Variants in PAQR5 observed in about 807,000 individuals in gnomAD.
PAQR5 encodes the protein progestin and adipoQ receptor family member 5.
Under a neutral mutation model 34.5 loss-of-function variants are expected in PAQR5, and 20 were observed. The ratio of observed to expected loss-of-function variants is 0.58; its 90% CI spans 0.41 to 0.84. The LOEUF is 0.84. Ranked by LOEUF, PAQR5 falls within the 40% of genes least tolerant of loss-of-function variation. PAQR5 has a pLI of 0.00. For missense variants in PAQR5, 378 were observed against 412.7 expected (o/e 0.92, Z 0.73); for synonymous variants, 131 against 155.6 (o/e 0.84, Z 1.18).
chr15:69,364,156 G>A (rs2055320108), intron 3 of PAQR5, among the ~76,000 whole-genome samples: 3 of 152,122 alleles, frequency 2.0e-5, no homozygotes, highest in Admixed American at 1.3e-4. Context: ...ATGAATGAAG[G>A]AAGCACAGCC....
chr15:69,329,309 A>G (rs1005476302), intron 1 of PAQR5, among the ~76,000 whole-genome samples: 1 of 151,874 alleles, frequency 6.6e-6, no homozygotes, highest in African/African-American at 2.4e-5. Context: ...AAAAACCCCC[A>G]TCCTTGAATA....
At chr15:69,334,113 C>T (rs960488364) in intron 1 of PAQR5, among the ~76,000 whole-genome samples, 2 of 152,130 alleles carry the variant, frequency 1.3e-5, no homozygotes, top group African/African-American at 2.4e-5. Context: ...CTGCAACCTC[C>T]ACCTCCCGGG....
chr15:69,326,665 G>A (rs1293242326), intron 1 of PAQR5, among the ~76,000 whole-genome samples: 2 of 152,194 alleles, frequency 1.3e-5, no homozygotes, highest in African/African-American at 2.4e-5. Flanking sequence ...TCAAACTCCT[G>A]ACCTCAGGTG....
chr15:69,313,521 CAAAT>C (rs963617204), intron 1 of PAQR5, among the ~76,000 whole-genome samples: 2 of 151,772 alleles, frequency 1.3e-5, no homozygotes, highest in Non-Finnish European at 2.9e-5. Flanking sequence ...CAACAACAAC[CAAAT>C]AAATAAATAA....
chr15:69,347,070 C>T (rs1239357346), intron 2 of PAQR5, among the ~76,000 whole-genome samples: 1 of 152,162 alleles, frequency 6.6e-6, no homozygotes, highest in African/African-American at 2.4e-5. Context: ...GACCCACCTG[C>T]CTCGGCCTCC....
intron 1 of PAQR5, among the ~76,000 whole-genome samples, chr15:69,305,534 G>A (rs925895055): frequency 6.6e-6 from 1 of 152,116 alleles, no homozygotes; most frequent in Admixed American, 6.5e-5. Flanking sequence ...TCGGAGTGAG[G>A]GGGAGAGAGG....
At chr15:69,322,811 G>GGAAGAA (rs1360531654) in intron 1 of PAQR5, among the ~76,000 whole-genome samples, 1,032 of 25,378 alleles carry the variant, frequency 0.041, 371 homozygotes, top group African/African-American at 0.091. Flanking sequence ...AAGAGGAAGA[G>GGAAGAA]GAAGAAGAAG....
chr15:69,348,865 G>A (rs776625664), intron 2 of PAQR5, among the ~76,000 whole-genome samples: 55 of 152,206 alleles, frequency 3.6e-4, no homozygotes, highest in Non-Finnish European at 7.1e-4. Flanking sequence ...GCCCGATGGA[G>A]TGGGATGGTG....
intron 8 of PAQR5, among the ~76,000 whole-genome samples, chr15:69,401,819 T>C (rs1448114227): frequency 2.0e-5 from 3 of 152,176 alleles, no homozygotes; most frequent in South Asian, 2.1e-4. Flanking sequence ...TGCTCAATAG[T>C]AGAGGTGGCC....
At chr15:69,350,039 T>C (rs950429624) in intron 2 of PAQR5, among the ~76,000 whole-genome samples, 1 of 152,190 alleles carries the variant, frequency 6.6e-6, no homozygotes, top group African/African-American at 2.4e-5. Context: ...CCTAAAGAGC[T>C]CTGATTGCTC....
At chr15:69,322,763 A>C (rs58485265) in intron 1 of PAQR5, among the ~76,000 whole-genome samples, 573 of 39,468 alleles carry the variant, frequency 0.015, 131 homozygotes, top group East Asian at 0.077. Context: ...AAGAAGAAGA[A>C]GAAGAAGAGG....
chr15:69,389,817 AG>A (rs1180345203), intron 6 of PAQR5, 37 bp downstream of exon 6: 1 of 1,572,358 alleles, frequency 6.4e-7, no homozygotes, highest in East Asian at 2.3e-5. Flanking sequence ...GAGGGGAGGG[AG>A]GGTCTTGCAT....
At chr15:69,315,874 T>C (rs1461196852) in intron 1 of PAQR5, among the ~76,000 whole-genome samples, 1 of 151,998 alleles carries the variant, frequency 6.6e-6, no homozygotes, top group East Asian at 1.9e-4. Flanking sequence ...GTCATGCACT[T>C]GCCAGTCTCA....
chr15:69,382,653 A>T (rs1371353904), intron 4 of PAQR5, among the ~76,000 whole-genome samples: 1 of 105,502 alleles, frequency 9.5e-6, no homozygotes, highest in Non-Finnish European at 1.9e-5. Context: ...CAAAAAAAAA[A>T]AAAAGCATAT....
intron 4 of PAQR5, among the ~76,000 whole-genome samples, chr15:69,381,596 G>C (rs879672522): frequency 2.0e-5 from 3 of 152,106 alleles, no homozygotes; most frequent in Admixed American, 2.0e-4. Context: ...TGGGTGAGCC[G>C]CACCCCCATC....
At chr15:69,300,600 T>C (rs528211377) in intron 1 of PAQR5, among the ~76,000 whole-genome samples, 1 of 35,550 alleles carries the variant, frequency 2.8e-5, no homozygotes, top group East Asian at 6.1e-4. Flanking sequence ...CTTCTTTCTT[T>C]CTTTCTTTCT....
Position 69,344,390 on chromosome 15 carries a change from A to G in PAQR5, c.-116+6889A>G, listed in dbSNP as rs567758203. ...TAATTCCACTCATTTCTCCAAAGAA[A>G]CAGCATTCACTCTGCTAATTAGCAA... On this transcript the variant is annotated intron_variant, in intron 2 of 8. Transcript: ENST00000395407. 7.4e-4 allele frequency among the ~76,000 whole-genome samples: 112 copies of G among 152,332 alleles called. No homozygotes were observed. In the Middle Eastern group the frequency reaches 0.014, roughly 19 times the overall value.
chr15:69,388,101 C>T (rs1015652349), intron 5 of PAQR5, among the ~76,000 whole-genome samples: 27 of 152,300 alleles, frequency 1.8e-4, no homozygotes, highest in African/African-American at 6.5e-4. Flanking sequence ...TTGATTCCAT[C>T]TGGGACTCCC....
At chr15:69,390,360 A>ATTTTTTTTTTTT (rs543005498) in intron 6 of PAQR5, among the ~76,000 whole-genome samples, 17 of 135,888 alleles carry the variant, frequency 1.3e-4, no homozygotes, top group Admixed American at 3.0e-4. Context: ...TTATTTATTT[A>ATTTTTTTTTTTT]TTTTTTTGAG....
Sources: allele counts gnomAD v4.1 joint callset (sites outside exome capture counted in the v4.1 genomes callset), GRCh38; gene constraint gnomAD v4.1.1; transcripts MANE v1.5; gene names NCBI Gene and HGNC (gene_info 2026-07-23, HGNC 2026-07-21).